GRID2: variants seen among roughly 807,000 people sequenced by gnomAD.
GRID2 encodes the protein glutamate ionotropic receptor delta type subunit 2.
Under a neutral mutation model 114.8 loss-of-function variants are expected in GRID2, and 33 were observed. The ratio of observed to expected loss-of-function variants is 0.29; its 90% CI spans 0.22 to 0.38. The LOEUF (loss-of-function observed/expected upper bound fraction) is 0.38, where lower values mean the gene tolerates loss of function less well. Among genes scored for constraint, GRID2 ranks in the 10% least tolerant of loss-of-function variants. The pLI, the probability that GRID2 is intolerant of heterozygous loss-of-function variation, is 1.00. For missense variants in GRID2, 1,184 were observed against 1,257.7 expected, an observed-to-expected ratio of 0.94 and a Z score of 0.89; for synonymous variants, 505 against 449.9, an observed-to-expected ratio of 1.12 and a Z score of -1.55.
intron 2 of GRID2, among the ~76,000 whole-genome samples, chr4:93,084,092 A>AT (rs1426741587): frequency 6.6e-6 from 1 of 151,888 alleles, no homozygotes; most frequent in East Asian, 1.9e-4. Flanking sequence ...AATGAAAATA[A>AT]TTTTTTCATT....
chr4:92,610,168 T>C (rs2149227587), intron 2 of GRID2, among the ~76,000 whole-genome samples: 1 of 151,724 alleles, frequency 6.6e-6, no homozygotes, highest in African/African-American at 2.4e-5. Flanking sequence ...ACACAAGCTC[T>C]TTGCCTTAGA....
At chr4:93,093,051 G>T (rs575735555) in intron 3 of GRID2, among the ~76,000 whole-genome samples, 1 of 152,010 alleles carries the variant, frequency 6.6e-6, no homozygotes, top group Non-Finnish European at 1.5e-5. Flanking sequence ...ATCACCATTT[G>T]TTTATGGAAC....
At chr4:93,174,214 G>C (rs1739126426) in intron 4 of GRID2, among the ~76,000 whole-genome samples, 1 of 152,126 alleles carries the variant, frequency 6.6e-6, no homozygotes, top group Admixed American at 6.6e-5. Context: ...ACAGCCAAGA[G>C]AGAGAACAAT....
rs146234720 is a variant in GRID2, at chr4:92,970,922, C to CAT, written c.245-114059_245-114058dup. ...GTAAGTAGTGTGTTAATTAGCATTG[C>CAT]ATATATATATATATACACACACATT... On this transcript the variant is annotated intron_variant, in intron 2 of 15. Transcript: ENST00000282020. Among the ~76,000 whole-genome samples, 523 of 149,080 alleles carry CAT rather than the reference C, an allele frequency of 3.5e-3. 3 individuals are homozygous for CAT. Among genetic ancestry groups the CAT allele is most frequent in the Admixed American group, 0.012 (179 of 14,886 alleles).
intron 14 of GRID2, among the ~76,000 whole-genome samples, chr4:93,709,136 T>C (rs527828499): frequency 6.6e-6 from 1 of 152,290 alleles, no homozygotes; most frequent in South Asian, 2.1e-4. Context: ...ACACCACAAA[T>C]ACAGTGTTAT....
intron 2 of GRID2, among the ~76,000 whole-genome samples, chr4:92,714,920 A>C (rs529913570): frequency 6.6e-6 from 1 of 152,146 alleles, no homozygotes; most frequent in Admixed American, 6.5e-5. Context: ...CATTTTCCCC[A>C]TTGTCTTGGC....
chr4:93,227,270 C>G (rs1216171022), intron 7 of GRID2, among the ~76,000 whole-genome samples: 2 of 152,100 alleles, frequency 1.3e-5, no homozygotes, highest in Non-Finnish European at 2.9e-5. Context: ...CAGTCTCGCA[C>G]AGGCTGGAGT....
intron 1 of GRID2, among the ~76,000 whole-genome samples, chr4:92,419,502 A>G (rs78790457): frequency 6.6e-6 from 1 of 152,278 alleles, no homozygotes; most frequent in African/African-American, 2.4e-5. Context: ...CATGAACATT[A>G]TATTTGTGAT....
At chr4:92,722,111 T>C (rs1265814152) in intron 2 of GRID2, among the ~76,000 whole-genome samples, 1 of 152,154 alleles carries the variant, frequency 6.6e-6, no homozygotes, top group African/African-American at 2.4e-5. Flanking sequence ...GGACTGGCAA[T>C]GGCTAAATCA....
chr4:93,721,920 C>CCTTTTTT (rs1729407891), intron 14 of GRID2, among the ~76,000 whole-genome samples: 1 of 132,616 alleles, frequency 7.5e-6, no homozygotes, highest in African/African-American at 2.8e-5. Flanking sequence ...TTTCTTTTTT[C>CCTTTTTT]TTTTTTTTTT....
At chr4:93,399,239 A>G (rs532862126) in intron 9 of GRID2, among the ~76,000 whole-genome samples, 1 of 152,180 alleles carries the variant, frequency 6.6e-6, no homozygotes, top group African/African-American at 2.4e-5. Flanking sequence ...TGAAACTGAA[A>G]TCTAGTCTTA....
chr4:92,783,348 A>G (rs1739172364), intron 2 of GRID2, among the ~76,000 whole-genome samples: 2 of 151,908 alleles, frequency 1.3e-5, no homozygotes, highest in Non-Finnish European at 2.9e-5. Context: ...TTGTCAAAGT[A>G]TTCCAAAATG....
intron 13 of GRID2, among the ~76,000 whole-genome samples, chr4:93,577,854 C>T (rs1436431611): frequency 6.6e-6 from 1 of 152,170 alleles, no homozygotes; most frequent in Non-Finnish European, 1.5e-5. Context: ...TTAATATCTA[C>T]TTAACTCAGG....
At chr4:93,518,719 G>T (rs1257115276) in intron 13 of GRID2, among the ~76,000 whole-genome samples, 1 of 152,012 alleles carries the variant, frequency 6.6e-6, no homozygotes, top group Non-Finnish European at 1.5e-5. Flanking sequence ...AGCCAGGGAA[G>T]GCTTCACTAA....
chr4:92,418,906 C>A (rs1731753110), intron 1 of GRID2, among the ~76,000 whole-genome samples: 1 of 152,062 alleles, frequency 6.6e-6, no homozygotes, highest in Non-Finnish European at 1.5e-5. Flanking sequence ...ACTCAGTGCT[C>A]TCCAGTGAAG....
chr4:93,107,492 A>G (rs1213077631), intron 3 of GRID2, among the ~76,000 whole-genome samples: 1 of 152,104 alleles, frequency 6.6e-6, no homozygotes, highest in Non-Finnish European at 1.5e-5. Flanking sequence ...AAAAAACGTT[A>G]TATAGTTTCA....
chr4:92,556,463 T>G, intron 1 of GRID2, among the ~76,000 whole-genome samples: 1 of 152,292 alleles, frequency 6.6e-6, no homozygotes, highest in South Asian at 2.1e-4. Context: ...GATCATTTAT[T>G]ATTATTATTA....
At chr4:92,362,829 A>C (rs1016475606) in intron 1 of GRID2, among the ~76,000 whole-genome samples, 2 of 152,134 alleles carry the variant, frequency 1.3e-5, no homozygotes, top group African/African-American at 4.8e-5. Context: ...TTCTGAATTT[A>C]ATTGTGTCAT....
rs569217425 is a variant in GRID2 at position 92,426,132 on chromosome 4, A to G, written c.88+121388A>G. ...TTCTATGGTAACTTGTACTTCATACATCTCTGGCATGTAGTTTTCTCAGAT... is the reference window on the plus strand; with the variant it reads ...TTCTATGGTAACTTGTACTTCATACGTCTCTGGCATGTAGTTTTCTCAGAT... On this transcript the variant is annotated intron_variant, in intron 1 of 15. Transcript: ENST00000282020. Among the ~76,000 whole-genome samples the G allele has an allele frequency of 1.4e-4, 21 of 152,226 alleles. No individual in the cohort carries two copies. The East Asian group carries it at 4.1e-3, about 29-fold the overall frequency.
Sources: allele counts gnomAD v4.1 joint callset (sites outside exome capture counted in the v4.1 genomes callset), GRCh38; gene constraint gnomAD v4.1.1; transcripts MANE v1.5; gene names NCBI Gene and HGNC (gene_info 2026-07-23, HGNC 2026-07-21).